The following SIAH3 variants were observed in gnomAD, a reference collection of about 807,000 sequenced individuals.
SIAH3 encodes the protein siah E3 ubiquitin protein ligase family member 3.
SIAH3 carries 9 observed loss-of-function variants against 12.6 expected under a neutral mutation model. The ratio of observed to expected loss-of-function variants is 0.72; its 90% confidence interval spans 0.43 to 1.25. The LOEUF (loss-of-function observed/expected upper bound fraction) is 1.25, where lower values mean the gene tolerates loss of function less well. Ranked by LOEUF, SIAH3 falls within the 50% of genes most tolerant of loss-of-function variation. The probability of loss-of-function intolerance (pLI) is 0.00; values close to 1 mark genes in which losing one functional copy is unlikely to be tolerated. For missense variants in SIAH3, 390 were observed against 365.4 expected (o/e 1.07, Z -0.55); for synonymous variants, 154 against 151.1 (o/e 1.02, Z -0.14).
In SIAH3 at chr13:45,778,322, GC is replaced by G. The variant is rs1950491413; in HGVS notation, c.*5060del. On this transcript the variant is annotated 3_prime_UTR_variant, in exon 2 of 2. Coordinates refer to ENST00000400405, the MANE Select transcript of SIAH3 (RefSeq NM_198849.3). ...TAAGAACAAGTAACAGGAAATTTGA[GC>G]TTTATAGAGCTGGTTTTGCTTTTTG... 2 of 152,244 alleles carry G rather than the reference GC, an allele frequency of 1.3e-5. No individual in the cohort carries two copies. The highest frequency in any genetic ancestry group is 4.8e-5 in the African/African-American group (2 of 41,458). The allele number at this position is 152,244 out of a possible 1,614,324, so 9.4% of individuals were successfully genotyped here.
At chr13:45,814,096 G>A (rs373049591) in intron 1 of SIAH3, among the ~76,000 whole-genome samples, 53 of 151,988 alleles carry the variant, frequency 3.5e-4, no homozygotes, top group African/African-American at 1.1e-3. Context: ...AAAATTAGCC[G>A]GGCGTGGTGG....
intron 1 of SIAH3, among the ~76,000 whole-genome samples, chr13:45,789,779 A>G (rs1011064339): frequency 2.0e-5 from 3 of 152,164 alleles, no homozygotes; most frequent in Admixed American, 2.0e-4. Context: ...CATCAAGGTA[A>G]TCACCTAACA....
intron 1 of SIAH3, among the ~76,000 whole-genome samples, chr13:45,789,841 G>A (rs547017048): frequency 1.3e-5 from 2 of 152,218 alleles, no homozygotes; most frequent in South Asian, 2.1e-4. Context: ...GCCTCAATTA[G>A]TACCCATATT....
At chr13:45,813,835 G>A (rs545898517) in intron 1 of SIAH3, among the ~76,000 whole-genome samples, 21 of 152,006 alleles carry the variant, frequency 1.4e-4, no homozygotes, top group Non-Finnish European at 1.9e-4. Context: ...CATCATAAGG[G>A]TTCTACCCTC....
At chr13:45,823,312 C>T (rs1950662945) in intron 1 of SIAH3, among the ~76,000 whole-genome samples, 1 of 152,256 alleles carries the variant, frequency 6.6e-6, no homozygotes, top group South Asian at 2.1e-4. Flanking sequence ...AAAAGCTCCC[C>T]AGGCAATTCT....
At chr13:45,786,543 G>A (rs7997707) in intron 1 of SIAH3, among the ~76,000 whole-genome samples, 65,555 of 152,008 alleles carry the variant, frequency 0.43, 14,652 homozygotes, top group East Asian at 0.73. Flanking sequence ...CACTGTTTAC[G>A]TGTTCAGTCA....
At chr13:45,815,029 T>C (rs181501144) in intron 1 of SIAH3, among the ~76,000 whole-genome samples, 51 of 152,060 alleles carry the variant, frequency 3.4e-4, no homozygotes, top group Admixed American at 5.9e-4. Context: ...GGCCTGCCAT[T>C]ACTTTTAAAT....
chr13:45,788,454 C>T (rs974168712), intron 1 of SIAH3, among the ~76,000 whole-genome samples: 16 of 152,322 alleles, frequency 1.1e-4, no homozygotes, highest in African/African-American at 3.8e-4. Flanking sequence ...TGTTTAACTT[C>T]CCATTTGGAA....
At chr13:45,827,289 G>C (rs1392182987) in intron 1 of SIAH3, among the ~76,000 whole-genome samples, 2 of 152,160 alleles carry the variant, frequency 1.3e-5, no homozygotes, top group Non-Finnish European at 2.9e-5. Flanking sequence ...GCTGCAGCCA[G>C]TGTCTTGCAA....
intron 1 of SIAH3, among the ~76,000 whole-genome samples, chr13:45,837,344 A>C (rs1950721249): frequency 6.6e-6 from 1 of 152,168 alleles, no homozygotes; most frequent in Admixed American, 6.5e-5. Context: ...TCCTAATTTC[A>C]AACTCTTTCT....
chr13:45,817,456 T>C (rs547828142), intron 1 of SIAH3, among the ~76,000 whole-genome samples: 1 of 152,306 alleles, frequency 6.6e-6, no homozygotes, highest in Admixed American at 6.5e-5. Flanking sequence ...CAACACACAA[T>C]TTTAGATGGG....
intron 1 of SIAH3, among the ~76,000 whole-genome samples, chr13:45,839,187 C>T (rs76654136): frequency 0.012 from 1,837 of 151,502 alleles, 35 homozygotes; most frequent in East Asian, 0.042. Context: ...TCTTAAAGGC[C>T]GTTTTTGCTT....
intron 1 of SIAH3, among the ~76,000 whole-genome samples, chr13:45,800,558 C>A (rs1950578186): frequency 6.6e-6 from 1 of 152,214 alleles, no homozygotes. Context: ...CACCCTCAAC[C>A]TTCCTTGTTC....
At chr13:45,841,108 G>A (rs1295338899) in intron 1 of SIAH3, among the ~76,000 whole-genome samples, 1 of 152,122 alleles carries the variant, frequency 6.6e-6, no homozygotes, top group East Asian at 1.9e-4. Context: ...AGCTGCCTTG[G>A]CCTAGTATAA....
rs753865094 is a variant in SIAH3 at position 45,851,505 on chromosome 13, T to C, written c.125A>G (p.His42Arg). The part of the protein sequence containing the change: ...GQLVCVVNPT[H>R]NLKYVSSRRA... ...GACACAGAGACTCACCTTTAGGTTG[T>C]GTGTGGGGTTGACGACACAGACAAG... is the stretch of plus-strand genomic sequence containing the variant. The change falls in exon 1 of 2, where the codon CAC becomes CGC. Residue 42 changes from histidine to arginine, a missense_variant. His to Arg is a conservative substitution (Grantham distance 29). Coordinates refer to ENST00000400405, the MANE Select transcript of SIAH3 (RefSeq NM_198849.3). The C allele has an allele frequency of 3.2e-5, 52 of 1,613,868 alleles. No individual in the cohort carries two copies. The highest frequency in any genetic ancestry group is 4.4e-5 in the Non-Finnish European group (52 of 1,180,016).
chr13:45,839,100 G>A (rs1445240534), intron 1 of SIAH3, among the ~76,000 whole-genome samples: 1 of 152,046 alleles, frequency 6.6e-6, no homozygotes, highest in Non-Finnish European at 1.5e-5. Context: ...ATAGAGTATG[G>A]CCGCTAATGA....
chr13:45,797,531 C>T lies in SIAH3; in HGVS notation c.136-13474G>A, dbSNP rs113378452. Among the ~76,000 whole-genome samples, 766 of 152,318 alleles carry T rather than the reference C, an allele frequency of 5.0e-3. 4 individuals are homozygous for T. Among genetic ancestry groups the T allele is most frequent in the African/African-American group, 0.018 (729 of 41,556 alleles). ...CTCTCACAACTTCCCTTGCAGCTAC[C>T]CAAGCCGCAAAACTCTCCATTCATG... On this transcript the variant is annotated intron_variant, in intron 1 of 1. Coordinates refer to ENST00000400405, the MANE Select transcript of SIAH3 (RefSeq NM_198849.3).
At chr13:45,841,631 A>G (rs1950740376) in intron 1 of SIAH3, among the ~76,000 whole-genome samples, 1 of 152,266 alleles carries the variant, frequency 6.6e-6, no homozygotes, top group African/African-American at 2.4e-5. Flanking sequence ...AATTCTAAAT[A>G]ATCCACAAAG....
intron 1 of SIAH3, among the ~76,000 whole-genome samples, chr13:45,818,009 G>C (rs1172329628): frequency 6.6e-6 from 1 of 152,158 alleles, no homozygotes; most frequent in African/African-American, 2.4e-5. Context: ...CCTTCCTACT[G>C]CAAGTTCCTG....
Sources: gnomAD v4.1 joint callset for allele counts (sites outside exome capture counted in the v4.1 genomes callset) on GRCh38, gnomAD v4.1.1 for gene constraint, MANE v1.5 for transcripts, NCBI Gene and HGNC (gene_info 2026-07-23, HGNC 2026-07-21) for gene names.